The following TSHZ2 variants were observed in gnomAD, a reference collection of about 807,000 sequenced individuals.
The protein encoded by TSHZ2 is teashirt homolog 2.
Under a neutral mutation model 74.4 loss-of-function variants are expected in TSHZ2, and 21 were observed. That is an observed-to-expected ratio of 0.28 (90% CI 0.20 to 0.41). The LOEUF (loss-of-function observed/expected upper bound fraction) is 0.41, where lower values mean the gene tolerates loss of function less well. TSHZ2 is among the 10% of genes least tolerant of loss of function. TSHZ2 has a pLI of 1.00. For synonymous variants in TSHZ2, 540 were observed against 515.3 expected, an observed-to-expected ratio of 1.05 and a Z score of -0.65; for missense variants, 1,244 against 1,293.5, an observed-to-expected ratio of 0.96 and a Z score of 0.59.
intron 2 of TSHZ2, among the ~76,000 whole-genome samples, chr20:53,277,660 A>G (rs1357976137): frequency 1.3e-5 from 2 of 152,240 alleles, no homozygotes; most frequent in African/African-American, 4.8e-5. Context: ...ATCAGTTTAG[A>G]TGCACCAGTA....
chr20:53,164,272 A>G (rs1988015698), intron 1 of TSHZ2, among the ~76,000 whole-genome samples: 1 of 152,188 alleles, frequency 6.6e-6, no homozygotes, highest in African/African-American at 2.4e-5. Context: ...CCAGTAGGAG[A>G]GATTAATCAA....
intron 1 of TSHZ2, among the ~76,000 whole-genome samples, chr20:53,006,694 A>G (rs1982659371): frequency 6.6e-6 from 1 of 152,230 alleles, no homozygotes; most frequent in Non-Finnish European, 1.5e-5. Flanking sequence ...AATTCAATGT[A>G]AACTGCCATT....
At chr20:53,038,328 A>G (rs1218777388) in intron 1 of TSHZ2, among the ~76,000 whole-genome samples, 1 of 151,686 alleles carries the variant, frequency 6.6e-6, no homozygotes, top group African/African-American at 2.4e-5. Flanking sequence ...TGGGTTTGAG[A>G]AGCAGAAGCT....
chr20:53,036,757 TTACA>T (rs894953408), intron 1 of TSHZ2, among the ~76,000 whole-genome samples: 16 of 147,994 alleles, frequency 1.1e-4, no homozygotes, highest in Non-Finnish European at 2.1e-4. Flanking sequence ...ATTATATATA[TTACA>T]TAAAGTATAT....
intron 2 of TSHZ2, among the ~76,000 whole-genome samples, chr20:53,380,844 TATTATC>T (rs752575930): frequency 6.6e-6 from 1 of 152,222 alleles, no homozygotes; most frequent in South Asian, 2.1e-4. Flanking sequence ...AAATAATAAC[TATTATC>T]ATTATATTAT....
intron 2 of TSHZ2, among the ~76,000 whole-genome samples, chr20:53,361,923 T>G (rs903803415): frequency 3.0e-4 from 16 of 52,786 alleles, no homozygotes; most frequent in African/African-American, 1.4e-3. Context: ...TTGTTTTGTG[T>G]TTTTTTTTTT....
At chr20:53,328,232 T>G (rs1458168128) in intron 2 of TSHZ2, among the ~76,000 whole-genome samples, 1 of 152,254 alleles carries the variant, frequency 6.6e-6, no homozygotes, top group African/African-American at 2.4e-5. Flanking sequence ...TCATCTGTGC[T>G]GTATTTTATA....
At chr20:53,208,050 CA>C (rs914058006) in intron 1 of TSHZ2, among the ~76,000 whole-genome samples, 1 of 151,814 alleles carries the variant, frequency 6.6e-6, no homozygotes, top group East Asian at 1.9e-4. Context: ...AGAATCAAGT[CA>C]AAAAATCAAT....
intron 1 of TSHZ2, among the ~76,000 whole-genome samples, chr20:53,079,204 G>C (rs190098305): frequency 2.0e-5 from 3 of 152,314 alleles, no homozygotes; most frequent in Non-Finnish European, 2.9e-5. Flanking sequence ...TTTAGTAGAA[G>C]TCAGTAAGGT....
chr20:53,173,534 G>A (rs1285841866), intron 1 of TSHZ2, among the ~76,000 whole-genome samples: 1 of 152,170 alleles, frequency 6.6e-6, no homozygotes, highest in Non-Finnish European at 1.5e-5. Context: ...CTTGAGCCCG[G>A]GGGGCAGAGG....
intron 2 of TSHZ2, among the ~76,000 whole-genome samples, chr20:53,435,545 GCT>G (rs1330455396): frequency 6.6e-6 from 1 of 152,154 alleles, no homozygotes; most frequent in Non-Finnish European, 1.5e-5. Context: ...ACAGAGTCTT[GCT>G]CTGTCGCCCA....
At chr20:53,378,341 AAATAAT>A (rs11474507) in intron 2 of TSHZ2, among the ~76,000 whole-genome samples, 10,464 of 142,406 alleles carry the variant, frequency 0.073, 447 homozygotes, top group African/African-American at 0.11. Context: ...CTTTGTATCA[AAATAAT>A]AATAATAATA....
intron 2 of TSHZ2, among the ~76,000 whole-genome samples, chr20:53,449,118 G>A (rs937544501): frequency 1.3e-5 from 2 of 152,066 alleles, no homozygotes; most frequent in African/African-American, 2.4e-5. Context: ...CTTTACTGTG[G>A]TCCTTCCCAG....
intron 2 of TSHZ2, among the ~76,000 whole-genome samples, chr20:53,479,155 ACT>A (rs1352482208): frequency 6.8e-6 from 1 of 148,148 alleles, no homozygotes; most frequent in Non-Finnish European, 1.5e-5. Context: ...ACAGGGCAAG[ACT>A]CTGTCTCAAT....
chr20:53,189,461 A>C (rs1245079150), intron 1 of TSHZ2, among the ~76,000 whole-genome samples: 1 of 152,242 alleles, frequency 6.6e-6, no homozygotes, highest in Non-Finnish European at 1.5e-5. Flanking sequence ...TACTCTGTAG[A>C]AACATTAATA....
chr20:53,333,828 A>C (rs1047904188), intron 2 of TSHZ2, among the ~76,000 whole-genome samples: 2 of 152,208 alleles, frequency 1.3e-5, no homozygotes, highest in Non-Finnish European at 2.9e-5. Flanking sequence ...CAGCGACTGC[A>C]TCTCTAGCAT....
chr20:52,979,444 C>T (rs1016629170), intron 1 of TSHZ2, among the ~76,000 whole-genome samples: 3 of 152,144 alleles, frequency 2.0e-5, no homozygotes, highest in African/African-American at 7.2e-5. Flanking sequence ...GTGGCCGTAT[C>T]CATATTGCTC....
chr20:53,232,013 C>T (rs931550872), intron 1 of TSHZ2, among the ~76,000 whole-genome samples: 1 of 152,054 alleles, frequency 6.6e-6, no homozygotes, highest in Admixed American at 6.6e-5. Flanking sequence ...GCCTCCCAAA[C>T]AGCTGAGACT....
intron 2 of TSHZ2, among the ~76,000 whole-genome samples, chr20:53,367,336 G>A (rs919042539): frequency 6.6e-6 from 1 of 151,718 alleles, no homozygotes; most frequent in Non-Finnish European, 1.5e-5. Context: ...CCTGGGAGGC[G>A]GAGGCTGCAG....
Sources: gnomAD v4.1 joint callset for allele counts (sites outside exome capture counted in the v4.1 genomes callset) on GRCh38, gnomAD v4.1.1 for gene constraint, MANE v1.5 for transcripts, NCBI Gene and HGNC (gene_info 2026-07-23, HGNC 2026-07-21) for gene names.